The following CEP85L variants were observed in gnomAD, a reference collection of about 807,000 sequenced individuals.
CEP85L encodes the protein centrosomal protein of 85 kDa-like.
In CEP85L, 60 loss-of-function variants were observed where a neutral mutation model predicts 100.3. The ratio of observed to expected loss-of-function variants is 0.60; its 90% CI spans 0.49 to 0.74. The LOEUF (loss-of-function observed/expected upper bound fraction) is 0.74, where lower values mean the gene tolerates loss of function less well. Among genes scored for constraint, CEP85L ranks in the 30% least tolerant of loss-of-function variants. CEP85L has a pLI of 0.00. For synonymous variants in CEP85L, 319 were observed against 322.7 expected (o/e 0.99, Z 0.12); for missense variants, 973 against 936.2 (o/e 1.04, Z -0.51).
intron 1 of CEP85L, among the ~76,000 whole-genome samples, chr6:118,707,699 A>G (rs1324105228): frequency 6.6e-6 from 1 of 152,156 alleles, no homozygotes; most frequent in African/African-American, 2.4e-5. Flanking sequence ...TGAAATTTTT[A>G]GGTATAGGAG....
intron 6 of CEP85L, among the ~76,000 whole-genome samples, chr6:118,484,578 GTTACC>G (rs2114555058): frequency 6.6e-6 from 1 of 152,258 alleles, no homozygotes; most frequent in South Asian, 2.1e-4. Flanking sequence ...CCTAAACAAT[GTTACC>G]TTACAATTTA....
chr6:118,501,656 A>C, intron 5 of CEP85L: 1 of 654,550 alleles, frequency 1.5e-6, no homozygotes, highest in Non-Finnish European at 2.9e-6. Flanking sequence ...TAAAGCTGCA[A>C]AGAAGCTGTT....
chr6:118,502,410 G>C (rs1261421864), intron 5 of CEP85L: 15 of 527,504 alleles, frequency 2.8e-5, no homozygotes, highest in Non-Finnish European at 5.1e-5. Context: ...AAAAGGAGGG[G>C]ATTCCAGGGC....
intron 2 of CEP85L, among the ~76,000 whole-genome samples, chr6:118,603,636 C>G (rs1771966660): frequency 6.6e-6 from 1 of 152,188 alleles, no homozygotes; most frequent in Admixed American, 6.5e-5. Flanking sequence ...AACAAAGGAT[C>G]AGCAACATTT....
intron 6 of CEP85L, among the ~76,000 whole-genome samples, chr6:118,489,534 G>C (rs1177091312): frequency 6.6e-6 from 1 of 152,080 alleles, no homozygotes; most frequent in East Asian, 1.9e-4. Flanking sequence ...TACAAATAGT[G>C]AACAGGTATA....
chr6:118,643,697 G>T (rs967932236), intron 1 of CEP85L, among the ~76,000 whole-genome samples: 1 of 152,116 alleles, frequency 6.6e-6, no homozygotes, highest in Non-Finnish European at 1.5e-5. Flanking sequence ...AAAAACAAAA[G>T]TAGGGGTAGA....
intron 1 of CEP85L, among the ~76,000 whole-genome samples, chr6:118,686,440 T>C (rs1776836100): frequency 6.6e-6 from 1 of 152,178 alleles, no homozygotes; most frequent in South Asian, 2.1e-4. Flanking sequence ...ATTTTCTTTT[T>C]CTAGATATTT....
chr6:118,605,142 T>C (rs938402529), intron 2 of CEP85L, among the ~76,000 whole-genome samples: 2 of 152,082 alleles, frequency 1.3e-5, no homozygotes, highest in Non-Finnish European at 2.9e-5. Context: ...TGGGGCCAAA[T>C]AAGCAGCTGA....
chr6:118,628,825 G>A (rs74879801), intron 2 of CEP85L, among the ~76,000 whole-genome samples: 2,583 of 152,236 alleles, frequency 0.017, 68 homozygotes, highest in African/African-American at 0.059. Flanking sequence ...AGATGACATT[G>A]GTTATAGCAA....
intron 1 of CEP85L, among the ~76,000 whole-genome samples, chr6:118,642,641 C>T (rs1774950043): frequency 6.6e-6 from 1 of 152,110 alleles, no homozygotes; most frequent in South Asian, 2.1e-4. Flanking sequence ...GGGTTGGGCA[C>T]GGTGGTTCAC....
intron 2 of CEP85L, among the ~76,000 whole-genome samples, chr6:118,569,341 C>CAAAAAAAAAAAAAAAAAAAAAAAAAAA (rs56123225): frequency 1.5e-5 from 1 of 68,214 alleles, no homozygotes; most frequent in African/African-American, 6.7e-5. Flanking sequence ...GACTCTGTCT[C>CAAAAAAAAAAAAAAAAAAAAAAAAAAA]AAAAAAAAAA....
chr6:118,709,307 T>G (rs1777704267), intron 1 of CEP85L, among the ~76,000 whole-genome samples: 1 of 152,156 alleles, frequency 6.6e-6, no homozygotes, highest in Non-Finnish European at 1.5e-5. Context: ...TCATTAATGT[T>G]TGTCCAGAGG....
chr6:118,472,591 T>C (rs1773048015), intron 10 of CEP85L, among the ~76,000 whole-genome samples: 1 of 152,174 alleles, frequency 6.6e-6, no homozygotes, highest in South Asian at 2.1e-4. Context: ...TGTGCGTTAT[T>C]TTATAAATAC....
chr6:118,467,734 T>C (rs1772636123), intron 12 of CEP85L, among the ~76,000 whole-genome samples: 1 of 152,016 alleles, frequency 6.6e-6, no homozygotes, highest in Admixed American at 6.6e-5. Flanking sequence ...AGAAAGTGAG[T>C]TCCCTTTGTG....
intron 1 of CEP85L, among the ~76,000 whole-genome samples, chr6:118,707,576 C>T (rs149041983): frequency 3.3e-5 from 5 of 152,276 alleles, no homozygotes; most frequent in African/African-American, 1.2e-4. Context: ...TTTTATTAAA[C>T]TTCATTTTCT....
intron 3 of CEP85L, among the ~76,000 whole-genome samples, chr6:118,533,551 C>T (rs1188765613): frequency 6.6e-6 from 1 of 152,026 alleles, no homozygotes; most frequent in Admixed American, 6.6e-5. Flanking sequence ...AACACCAATC[C>T]TCCACGAACT....
chr6:118,498,875 C>T (rs566026307), intron 5 of CEP85L, among the ~76,000 whole-genome samples: 27 of 152,104 alleles, frequency 1.8e-4, no homozygotes, highest in Non-Finnish European at 3.2e-4. Flanking sequence ...CCATAAGATA[C>T]ACCTTAAAAA....
intron 11 of CEP85L, 142 bp downstream of exon 11, chr6:118,470,395 A>C: frequency 2.2e-6 from 1 of 457,768 alleles, no homozygotes; most frequent in Non-Finnish European, 3.9e-6. Flanking sequence ...TTTTATAATA[A>C]TTTTGGTAAG....
chr6:118,559,881 C>T (rs906048220), intron 3 of CEP85L: 1 of 166,988 alleles, frequency 6.0e-6, no homozygotes, highest in African/African-American at 2.4e-5. Context: ...ATACTAACAA[C>T]AGAATCTAAT....
Sources: gnomAD v4.1 joint callset for allele counts (sites outside exome capture counted in the v4.1 genomes callset) on GRCh38, gnomAD v4.1.1 for gene constraint, MANE v1.5 for transcripts, NCBI Gene and HGNC (gene_info 2026-07-23, HGNC 2026-07-21) for gene names.